The following VMP1 variants were observed in gnomAD, a reference collection of about 807,000 sequenced individuals.
VMP1 encodes ectopic P-granules autophagy protein 3 homolog.
In VMP1, 11 loss-of-function variants were observed where a neutral mutation model predicts 56.0. That is an observed-to-expected ratio of 0.20 (90% CI 0.12 to 0.32). The LOEUF (loss-of-function observed/expected upper bound fraction) is 0.32, where lower values mean the gene tolerates loss of function less well. Among genes scored for constraint, VMP1 ranks in the 10% least tolerant of loss-of-function variants. The pLI is 1.00. For synonymous variants in VMP1, 149 were observed against 165.0 expected, an observed-to-expected ratio of 0.90 and a Z score of 0.74; for missense variants, 296 against 490.3, an observed-to-expected ratio of 0.60 and a Z score of 3.74.
At chr17:59,749,439 G>A (rs1218275700) in intron 5 of VMP1, among the ~76,000 whole-genome samples, 1 of 151,872 alleles carries the variant, frequency 6.6e-6, no homozygotes, top group Non-Finnish European at 1.5e-5. Flanking sequence ...AACTCTAAAG[G>A]GCCACACTTT....
At chr17:59,836,179 C>T (rs1332377815) in intron 10 of VMP1, among the ~76,000 whole-genome samples, 1 of 150,574 alleles carries the variant, frequency 6.6e-6, no homozygotes, top group Non-Finnish European at 1.5e-5. Flanking sequence ...TTTGTACCTC[C>T]TTCAGTATTC....
chr17:59,749,224 T>C (rs1351203724), intron 5 of VMP1, among the ~76,000 whole-genome samples: 1 of 151,940 alleles, frequency 6.6e-6, no homozygotes, highest in Non-Finnish European at 1.5e-5. Context: ...CCCAAAGTGC[T>C]GGGATTACGG....
chr17:59,772,927 T>C (rs1207113819), intron 6 of VMP1, among the ~76,000 whole-genome samples: 1 of 146,494 alleles, frequency 6.8e-6, no homozygotes, highest in Non-Finnish European at 1.5e-5. Flanking sequence ...AGAATTTTTA[T>C]CTAACACATA....
chr17:59,826,708 T>C (rs1305744844), intron 10 of VMP1, among the ~76,000 whole-genome samples: 2 of 152,192 alleles, frequency 1.3e-5, no homozygotes, highest in Non-Finnish European at 2.9e-5. Context: ...TTCATATAAA[T>C]GATAAGAGAT....
At chr17:59,813,974 ATGAT>A (rs3065089) in intron 9 of VMP1, among the ~76,000 whole-genome samples, 5 of 151,080 alleles carry the variant, frequency 3.3e-5, no homozygotes, top group Non-Finnish European at 5.9e-5. Flanking sequence ...TCAATTTATG[ATGAT>A]TGATTGATTG....
chr17:59,750,915 C>T (rs1424128685), intron 5 of VMP1, among the ~76,000 whole-genome samples: 1 of 147,468 alleles, frequency 6.8e-6, no homozygotes, highest in Non-Finnish European at 1.5e-5. Context: ...CAGATTTTTC[C>T]AAGATAGCAC....
intron 5 of VMP1, among the ~76,000 whole-genome samples, chr17:59,750,787 CATTT>C (rs1162413590): frequency 2.6e-5 from 4 of 151,996 alleles, no homozygotes; most frequent in Non-Finnish European, 5.9e-5. Context: ...TTTGTTCATT[CATTT>C]GATATCTACC....
chr17:59,819,185 T>C (rs563323931), intron 10 of VMP1, among the ~76,000 whole-genome samples: 40 of 152,352 alleles, frequency 2.6e-4, no homozygotes, highest in Non-Finnish European at 5.3e-4. Context: ...AATTTACATT[T>C]AAAATTAAAA....
Position 59,840,107 on chromosome 17 carries a change from A to G in VMP1, c.*196A>G. ...TGCTAAGGTAAGGTATCCACCCTCGATGCAATCCACCTTGTGTTTTCTTAG... is the reference window on the plus strand; with the variant it reads ...TGCTAAGGTAAGGTATCCACCCTCGGTGCAATCCACCTTGTGTTTTCTTAG... On this transcript the variant is annotated 3_prime_UTR_variant, in exon 12 of 12. Transcript: ENST00000262291. 1 of 589,754 alleles carries G rather than the reference A, an allele frequency of 1.7e-6. No homozygotes were observed. 36.5% of individuals were successfully genotyped at this position (589,754 alleles called of 1,614,324 possible).
At chr17:59,775,634 T>C (rs1325991914) in intron 7 of VMP1, among the ~76,000 whole-genome samples, 1 of 152,228 alleles carries the variant, frequency 6.6e-6, no homozygotes, top group Non-Finnish European at 1.5e-5. Flanking sequence ...AACTTTCTTT[T>C]TGAATAATAT....
intron 7 of VMP1, among the ~76,000 whole-genome samples, chr17:59,807,460 G>A (rs1467764776): frequency 6.6e-6 from 1 of 151,818 alleles, no homozygotes; most frequent in Non-Finnish European, 1.5e-5. Context: ...GCCTCCCAAA[G>A]TGCTGGGATT....
chr17:59,771,612 T>G (rs2036428112), intron 6 of VMP1, among the ~76,000 whole-genome samples: 1 of 148,200 alleles, frequency 6.7e-6, no homozygotes, highest in Admixed American at 6.7e-5. Context: ...TTTGGTTTTT[T>G]TTTTTTTTTT....
intron 9 of VMP1, among the ~76,000 whole-genome samples, chr17:59,813,746 AAC>A (rs1329726575): frequency 6.6e-6 from 1 of 152,172 alleles, no homozygotes; most frequent in Non-Finnish European, 1.5e-5. Context: ...AAGGAAAAAT[AAC>A]AGATTATTTT....
At chr17:59,723,886 A>T (rs2034491230) in intron 1 of VMP1, among the ~76,000 whole-genome samples, 2 of 152,184 alleles carry the variant, frequency 1.3e-5, no homozygotes, top group African/African-American at 2.4e-5. Flanking sequence ...TAGTAGTGGG[A>T]TTGGTGAATT....
chr17:59,809,932 A>T (rs1190656467), intron 8 of VMP1, among the ~76,000 whole-genome samples: 1 of 152,172 alleles, frequency 6.6e-6, no homozygotes, highest in Non-Finnish European at 1.5e-5. Context: ...AGAATAAAAG[A>T]GACAAAATCC....
chr17:59,717,441 G>T (rs1801852395), intron 1 of VMP1, among the ~76,000 whole-genome samples: 1 of 151,880 alleles, frequency 6.6e-6, no homozygotes, highest in South Asian at 2.1e-4. Context: ...GGAGTGCAGT[G>T]GCACTGTCTA....
At chr17:59,751,955 C>G (rs2035668647) in intron 5 of VMP1, among the ~76,000 whole-genome samples, 1 of 152,004 alleles carries the variant, frequency 6.6e-6, no homozygotes, top group Non-Finnish European at 1.5e-5. Flanking sequence ...GCTGGGACTA[C>G]AGGTGTGCAC....
At chr17:59,731,374 C>A in intron 1 of VMP1, 47 bp from the exon 2 acceptor site, 1 of 1,177,858 alleles carries the variant, frequency 8.5e-7, no homozygotes. Context: ...CACAGCTACA[C>A]AGCAGAAGTT....
chr17:59,830,201 T>G (rs1022108129), intron 10 of VMP1, among the ~76,000 whole-genome samples: 2 of 152,092 alleles, frequency 1.3e-5, no homozygotes, highest in Non-Finnish European at 2.9e-5. Flanking sequence ...TCCTCCCACC[T>G]CCTGTCGCAT....
Sources: gnomAD v4.1 joint callset for allele counts (sites outside exome capture counted in the v4.1 genomes callset) on GRCh38, gnomAD v4.1.1 for gene constraint, MANE v1.5 for transcripts, NCBI Gene and HGNC (gene_info 2026-07-23, HGNC 2026-07-21) for gene names.